GIGYF2: variants seen among roughly 807,000 people sequenced by gnomAD.
GIGYF2 encodes GRB10-interacting GYF protein 2.
GIGYF2 carries 25 observed loss-of-function variants against 208.1 expected under a neutral mutation model. The ratio of observed to expected loss-of-function variants is 0.12; its 90% confidence interval spans 0.09 to 0.17. GIGYF2 has a LOEUF of 0.17. Among genes scored for constraint, GIGYF2 ranks in the 10% least tolerant of loss-of-function variants. GIGYF2 has a pLI of 1.00. For missense variants in GIGYF2, 1,302 were observed against 1,579.4 expected, an observed-to-expected ratio of 0.82 and a Z score of 2.98; for synonymous variants, 534 against 543.8, an observed-to-expected ratio of 0.98 and a Z score of 0.25.
intron 21 of GIGYF2, among the ~76,000 whole-genome samples, chr2:232,824,069 T>A (rs1172926581): frequency 2.0e-5 from 3 of 152,220 alleles, no homozygotes; most frequent in African/African-American, 7.2e-5. Flanking sequence ...GCAAACTTAA[T>A]CCATACCTAT....
At chr2:232,811,160 G>A (rs1307176229) in intron 16 of GIGYF2, 84 bp from the exon 17 acceptor site, 1 of 759,174 alleles carries the variant, frequency 1.3e-6, no homozygotes, top group Admixed American at 1.9e-5. Context: ...GGGGGGCTTT[G>A]AATTGAACTT....
intron 21 of GIGYF2, 144 bp from the exon 22 acceptor site, chr2:232,832,713 C>A (rs533728249): frequency 3.1e-6 from 2 of 651,636 alleles, no homozygotes; most frequent in East Asian, 2.8e-5. Context: ...AGAAAGGTTA[C>A]TTCTACCTTG....
intron 3 of GIGYF2, chr2:232,736,262 C>A: frequency 1.5e-6 from 1 of 663,226 alleles, no homozygotes; most frequent in Non-Finnish European, 1.9e-6. Flanking sequence ...TTTAGTTATT[C>A]CTTTATATTT....
intron 2 of GIGYF2, among the ~76,000 whole-genome samples, chr2:232,727,291 A>G (rs1259363246): frequency 6.6e-6 from 1 of 152,172 alleles, no homozygotes; most frequent in Non-Finnish European, 1.5e-5. Flanking sequence ...AAAAACTGCA[A>G]CTTAACTCTA....
At chr2:232,779,870 T>C (rs1407174149) in intron 8 of GIGYF2, among the ~76,000 whole-genome samples, 1 of 152,168 alleles carries the variant, frequency 6.6e-6, no homozygotes, top group Non-Finnish European at 1.5e-5. Context: ...TTATAAGTAA[T>C]TGTAGGGGAG....
In GIGYF2 at chr2:232,791,041, G is replaced by C. The variant is rs1390487518; in HGVS notation, c.964G>C (p.Glu322Gln). ...VQKEPIPEEQ[E>Q]MDFRPVDEGE... The stretch of plus-strand genomic sequence containing the variant: ...GAAAGAGCCTATTCCAGAAGAGCAG[G>C]AGATGGACTTCCGGCCTGTGGACGA... The change falls in exon 11 of 29, where the codon GAG becomes CAG. Residue 322 changes from glutamate to glutamine, a missense_variant. Physicochemically the swap from Glu to Gln is conservative, Grantham distance 29 (BLOSUM62 2). Coordinates refer to ENST00000373563, the MANE Select transcript of GIGYF2 (RefSeq NM_001103146.3). 1.2e-6 allele frequency: 2 copies of C among 1,614,064 alleles called. No individual in the cohort carries two copies. Among genetic ancestry groups the C allele is most frequent in the Admixed American group, 1.7e-5 (1 of 60,012 alleles).
intron 8 of GIGYF2, among the ~76,000 whole-genome samples, chr2:232,777,517 A>G (rs1699562754): frequency 6.6e-6 from 1 of 152,190 alleles, no homozygotes; most frequent in Non-Finnish European, 1.5e-5. Flanking sequence ...TGATTGTTCA[A>G]AGTAAAATCT....
intron 28 of GIGYF2, among the ~76,000 whole-genome samples, chr2:232,855,537 C>T (rs1283592677): frequency 2.6e-5 from 4 of 152,168 alleles, no homozygotes; most frequent in African/African-American, 9.7e-5. Context: ...CTTTAATCTT[C>T]TTGCTCTGTC....
chr2:232,794,653 G>T, intron 12 of GIGYF2, 95 bp from the exon 13 acceptor site: 1 of 921,584 alleles, frequency 1.1e-6, no homozygotes, highest in Non-Finnish European at 1.8e-6. Flanking sequence ...TTTTCTGTTT[G>T]GCCCATTTAG....
intron 8 of GIGYF2, among the ~76,000 whole-genome samples, chr2:232,773,641 G>A (rs974321): frequency 0.73 from 111,199 of 151,920 alleles, 41,649 homozygotes; most frequent in African/African-American, 0.89. Flanking sequence ...TGTTAACTTT[G>A]TTCATGATTC....
rs1269415486 is a variant in GIGYF2, at chr2:232,844,186, C to T, written c.3030C>T (p.Ala1010=). The T allele has an allele frequency of 6.4e-7, 1 of 1,561,496 alleles. No individual in the cohort carries two copies. ...TTCTGGAGATCCAGCAGGAAGAGGC[C>T]AGGCAAATGCAAAAGCAGCAGCAGC... ...KSLLEIQQEE[A]RQMQKQQQQQ... Residue 1010 remains alanine, a synonymous_variant, in exon 24 of 29, where the codon GCC becomes GCT. Coordinates refer to ENST00000373563, the MANE Select transcript of GIGYF2 (RefSeq NM_001103146.3).
At chr2:232,732,233 T>C (rs1303467316) in intron 2 of GIGYF2, among the ~76,000 whole-genome samples, 1 of 152,228 alleles carries the variant, frequency 6.6e-6, no homozygotes, top group Non-Finnish European at 1.5e-5. Flanking sequence ...CTTTTAGTAC[T>C]TCAGGGCTGC....
At chr2:232,724,207 A>ATTTTTTTTT (rs1163865821) in intron 2 of GIGYF2, among the ~76,000 whole-genome samples, 1,613 of 113,762 alleles carry the variant, frequency 0.014, no homozygotes, top group Non-Finnish European at 0.016. Context: ...ACACCTGGCT[A>ATTTTTTTTT]TTTTTTTTTT....
intron 2 of GIGYF2, among the ~76,000 whole-genome samples, chr2:232,715,020 T>C (rs1476074182): frequency 6.6e-6 from 1 of 152,200 alleles, no homozygotes; most frequent in Non-Finnish European, 1.5e-5. Context: ...CACTTTTAAG[T>C]GAGAACATGC....
At chr2:232,737,971 C>T (rs1697809015) in intron 3 of GIGYF2, among the ~76,000 whole-genome samples, 1 of 138,420 alleles carries the variant, frequency 7.2e-6, no homozygotes, top group Non-Finnish European at 1.5e-5. Context: ...GGCTGGAGTG[C>T]AGTGGCATGA....
At position 232,768,063 on chromosome 2, in the gene GIGYF2, A is replaced by G. The variant is rs1699047274; in HGVS notation, c.532+6627A>G. The G allele has an allele frequency of 2.8e-5, 24 of 871,628 alleles. No individual in the cohort carries two copies. In the South Asian group the frequency reaches 3.5e-4, roughly 13 times the overall value. The allele number at this position is 871,628 out of a possible 1,614,324, so 54.0% of individuals were successfully genotyped here. On this transcript the variant is annotated intron_variant, in intron 8 of 28. Coordinates refer to ENST00000373563, the MANE Select transcript of GIGYF2 (RefSeq NM_001103146.3). ...TTAGCTCAGCCATTCTTATGTAGGCATAGGCATGATTACCGTGATGTAGAG... is the reference window on the plus strand; with the variant it reads ...TTAGCTCAGCCATTCTTATGTAGGCGTAGGCATGATTACCGTGATGTAGAG...
At chr2:232,774,826 A>G (rs1257963149) in intron 8 of GIGYF2, among the ~76,000 whole-genome samples, 2 of 152,192 alleles carry the variant, frequency 1.3e-5, no homozygotes, top group African/African-American at 4.8e-5. Context: ...TTTTCAACCT[A>G]TTTTATGAAA....
At chr2:232,720,583 ATTTTTG>A (rs1427106489) in intron 2 of GIGYF2, among the ~76,000 whole-genome samples, 1 of 144,918 alleles carries the variant, frequency 6.9e-6, no homozygotes, top group Admixed American at 6.9e-5. Flanking sequence ...ATATATATAT[ATTTTTG>A]TTTGTTTGTT....
intron 2 of GIGYF2, among the ~76,000 whole-genome samples, chr2:232,733,526 C>T (rs142104796): frequency 6.6e-6 from 1 of 152,110 alleles, no homozygotes; most frequent in African/African-American, 2.4e-5. Context: ...TTTTTTAGAT[C>T]ATTTAAACAG....
Sources: allele counts gnomAD v4.1 joint callset (sites outside exome capture counted in the v4.1 genomes callset), GRCh38; gene constraint gnomAD v4.1.1; transcripts MANE v1.5; gene names NCBI Gene and HGNC (gene_info 2026-07-23, HGNC 2026-07-21).